The following GOLM1 variants were observed in gnomAD, a reference collection of about 807,000 sequenced individuals.
GOLM1 encodes the protein epididymis luminal protein 46.
A neutral mutation model predicts 50.5 loss-of-function variants in GOLM1; 31 were observed. The ratio of observed to expected loss-of-function variants is 0.61; its 90% CI spans 0.46 to 0.83. The LOEUF (loss-of-function observed/expected upper bound fraction) is 0.83, where lower values mean the gene tolerates loss of function less well. Among genes scored for constraint, GOLM1 ranks in the 40% least tolerant of loss-of-function variants. The probability of loss-of-function intolerance (pLI) is 0.00; values close to 1 mark genes in which losing one functional copy is unlikely to be tolerated. For synonymous variants in GOLM1, 178 were observed against 192.8 expected (o/e 0.92, Z 0.64); for missense variants, 491 against 501.3 (o/e 0.98, Z 0.20).
chr9:86,042,112 G>A (rs1161923941), intron 5 of GOLM1, among the ~76,000 whole-genome samples: 6 of 152,248 alleles, frequency 3.9e-5, no homozygotes, highest in Non-Finnish European at 5.9e-5. Context: ...GCGAGACTCC[G>A]TCTCAAAAAA....
intron 3 of GOLM1, among the ~76,000 whole-genome samples, chr9:86,055,299 G>T (rs930652478): frequency 3.9e-5 from 6 of 152,100 alleles, no homozygotes; most frequent in African/African-American, 1.4e-4. Context: ...GGGATTTTGC[G>T]GGGAGAGAGA....
intron 5 of GOLM1, among the ~76,000 whole-genome samples, chr9:86,045,039 T>G (rs1023027939): frequency 2.6e-5 from 4 of 152,200 alleles, no homozygotes; most frequent in Admixed American, 6.5e-5. Flanking sequence ...TAAAATCCCT[T>G]TTATCATCGC....
chr9:86,079,392 C>T (rs1834719704), intron 1 of GOLM1, 51 bp from the exon 2 acceptor site: 13 of 1,385,400 alleles, frequency 9.4e-6, no homozygotes, highest in Middle Eastern at 2.0e-4. Context: ...TTATCATCTC[C>T]GAAGCAGACC....
chr9:86,046,577 A>G lies in GOLM1; in HGVS notation c.365-5T>C. 1 of 1,579,298 alleles carries G rather than the reference A, an allele frequency of 6.3e-7. No individual in the cohort carries two copies. The highest frequency in any genetic ancestry group is 8.7e-7 in the Non-Finnish European group (1 of 1,150,788). The stretch of plus-strand genomic sequence containing the variant: ...TCTGCAGGGTCTTTAACTGGTCTAC[A>G]CCAAGGGGACAAGGAATTGCACAGG... On this transcript the variant is annotated splice_region_variant and splice_polypyrimidine_tract_variant and intron_variant, in intron 4 of 9. Coordinates refer to ENST00000388712, the MANE Select transcript of GOLM1 (RefSeq NM_016548.4).
intron 6 of GOLM1, among the ~76,000 whole-genome samples, chr9:86,039,967 C>CAA (rs202123864): frequency 5.5e-5 from 4 of 72,340 alleles, no homozygotes; most frequent in Non-Finnish European, 6.1e-5. Flanking sequence ...GATGCCCTCT[C>CAA]AAAAAAAAAA....
At chr9:86,066,653 G>A (rs1587723768) in intron 3 of GOLM1, among the ~76,000 whole-genome samples, 3 of 152,322 alleles carry the variant, frequency 2.0e-5, no homozygotes, top group South Asian at 2.1e-4. Flanking sequence ...GTGCAGCTGC[G>A]AGAAACCAGC....
chr9:86,026,932 C>T lies in GOLM1; in HGVS notation c.*885G>A. The stretch of plus-strand genomic sequence containing the variant: ...CAATGAACTTTGTTTTCTTTTACTC[C>T]AGTAATAAAGTAGGCACAGATCTGT... On this transcript the variant is annotated 3_prime_UTR_variant, in exon 10 of 10. Transcript: ENST00000388712. 1 of 984,934 alleles carries T rather than the reference C, an allele frequency of 1.0e-6. No individual in the cohort carries two copies. The highest frequency in any genetic ancestry group is 1.1e-4 in the East Asian group (1 of 8,792). The allele number at this position is 984,934 out of a possible 1,614,324, so 61.0% of individuals were successfully genotyped here. A position where few individuals can be genotyped will look rare whatever the true frequency, so the allele number is the denominator to read the frequency against.
At chr9:86,047,680 TA>T (rs1833596486) in intron 4 of GOLM1, among the ~76,000 whole-genome samples, 1 of 152,144 alleles carries the variant, frequency 6.6e-6, no homozygotes, top group Non-Finnish European at 1.5e-5. Context: ...ATATAAACGA[TA>T]CTTTAATATG....
intron 3 of GOLM1, among the ~76,000 whole-genome samples, chr9:86,055,821 C>A (rs183765898): frequency 7.9e-5 from 12 of 152,098 alleles, no homozygotes; most frequent in Admixed American, 2.6e-4. Context: ...TAGTGAGCAT[C>A]GAGACCCAGG....
chr9:86,037,729 A>G (rs1833193033), intron 6 of GOLM1, among the ~76,000 whole-genome samples: 1 of 152,186 alleles, frequency 6.6e-6, no homozygotes, highest in South Asian at 2.1e-4. Flanking sequence ...CAGACAGCCC[A>G]ATACAGAGAG....
intron 3 of GOLM1, among the ~76,000 whole-genome samples, chr9:86,068,432 G>A (rs1834365791): frequency 2.0e-5 from 3 of 152,200 alleles, no homozygotes; most frequent in African/African-American, 7.2e-5. Flanking sequence ...GGTCTGCTGT[G>A]AGCGAGGATG....
rs762477283 is a variant in GOLM1 at position 86,035,386 on chromosome 9, GCTC to G, written c.994_996del (p.Glu332del). 10 of 1,613,838 alleles carry G rather than the reference GCTC, an allele frequency of 6.2e-6. No homozygotes were observed. Among genetic ancestry groups the G allele is most frequent in the African/African-American group, 4.0e-5 (3 of 75,024 alleles). ...CACCCACCTTCCCCGGCAGCTTCCT[GCTC>G]CTCCTCCTGTCCGTCGGGGATGACA... On this transcript the variant is annotated inframe_deletion, in exon 8 of 10. Transcript: ENST00000388712.
rs527483628 is a variant in GOLM1 at position 86,052,781 on chromosome 9, C to T, written c.310-190G>A. Among the ~76,000 whole-genome samples, 3 of 152,204 alleles carry T rather than the reference C, an allele frequency of 2.0e-5. No homozygotes were observed. In the East Asian group the frequency reaches 5.8e-4, roughly 29 times the overall value. Reference sequence around the variant, plus strand: ...AAAGGAACAGGCCGACCTAGAGATCCGCTCCCCACCACCGCCTCTGGACCC... The same window carrying T: ...AAAGGAACAGGCCGACCTAGAGATCTGCTCCCCACCACCGCCTCTGGACCC... On this transcript the variant is annotated intron_variant, in intron 3 of 9. Transcript: ENST00000388712.
Position 86,094,431 on chromosome 9 carries a change from C to G in GOLM1, c.-22+4980G>C, listed in dbSNP as rs546091003. 1.6e-4 allele frequency among the ~76,000 whole-genome samples: 25 copies of G among 152,340 alleles called. 2 individuals carry two copies. In the South Asian group the frequency reaches 5.0e-3, roughly 30 times the overall value. ...AAACTTACTAGGAAATACACAGACTCTCTTCCTCTCACTTCCCCAAAATGA... is the reference window on the plus strand; with the variant it reads ...AAACTTACTAGGAAATACACAGACTGTCTTCCTCTCACTTCCCCAAAATGA... On this transcript the variant is annotated intron_variant, in intron 1 of 9. Transcript: ENST00000388712.
chr9:86,042,858 T>TC (rs1833404619), intron 5 of GOLM1, among the ~76,000 whole-genome samples: 1 of 152,208 alleles, frequency 6.6e-6, no homozygotes, highest in South Asian at 2.1e-4. Context: ...ACTACCTCCA[T>TC]CCTCAATTCT....
At chr9:86,062,049 A>C (rs1834173966) in intron 3 of GOLM1, among the ~76,000 whole-genome samples, 1 of 151,888 alleles carries the variant, frequency 6.6e-6, no homozygotes, top group Non-Finnish European at 1.5e-5. Context: ...TCTATCCAGG[A>C]AAACACGTAG....
chr9:86,084,933 T>TACTC (rs1420607817), intron 1 of GOLM1: 1 of 152,224 alleles, frequency 6.6e-6, no homozygotes, highest in Admixed American at 6.6e-5. Flanking sequence ...TAGTCCTAGC[T>TACTC]ACTCGGGAGG....
intron 3 of GOLM1, among the ~76,000 whole-genome samples, chr9:86,069,326 T>G (rs1363363749): frequency 2.6e-5 from 4 of 152,200 alleles, no homozygotes; most frequent in Non-Finnish European, 5.9e-5. Context: ...TATCCTTTCT[T>G]ATACACAGAA....
chr9:86,096,225 A>G (rs915813714), intron 1 of GOLM1, among the ~76,000 whole-genome samples: 5 of 150,860 alleles, frequency 3.3e-5, no homozygotes, highest in African/African-American at 1.2e-4. Context: ...CTCATGACAC[A>G]TGAAAATTAC....
Sources: allele counts gnomAD v4.1 joint callset (sites outside exome capture counted in the v4.1 genomes callset), GRCh38; gene constraint gnomAD v4.1.1; transcripts MANE v1.5; gene names NCBI Gene and HGNC (gene_info 2026-07-23, HGNC 2026-07-21).